The following MACROD2 variants were observed in gnomAD, a reference collection of about 807,000 sequenced individuals.
MACROD2 encodes ADP-ribose glycohydrolase MACROD2.
In MACROD2, 36 loss-of-function variants were observed where a neutral mutation model predicts 70.4. The ratio of observed to expected loss-of-function variants is 0.51; its 90% CI spans 0.39 to 0.68. The LOEUF is 0.68. Among genes scored for constraint, MACROD2 ranks in the 30% least tolerant of loss-of-function variants. The probability of loss-of-function intolerance (pLI) is 0.00; values close to 1 mark genes in which losing one functional copy is unlikely to be tolerated. For synonymous variants in MACROD2, 172 were observed against 178.8 expected (o/e 0.96, Z 0.30); for missense variants, 496 against 538.4 (o/e 0.92, Z 0.78).
chr20:15,937,416 G>A, intron 11 of MACROD2, 60 bp from the exon 12 acceptor site: 1 of 1,531,366 alleles, frequency 6.5e-7, no homozygotes, highest in Admixed American at 1.7e-5. Flanking sequence ...GGGCAGGAAA[G>A]CCACAGCTGG....
intron 3 of MACROD2, among the ~76,000 whole-genome samples, chr20:14,299,864 A>G (rs1285061255): frequency 6.6e-6 from 1 of 152,174 alleles, no homozygotes; most frequent in Non-Finnish European, 1.5e-5. Flanking sequence ...ATATACAGAG[A>G]AAGACCAGTT....
chr20:15,466,455 T>A (rs898194503), intron 7 of MACROD2, among the ~76,000 whole-genome samples: 5 of 152,170 alleles, frequency 3.3e-5, no homozygotes, highest in African/African-American at 1.2e-4. Context: ...TCATTTAGGG[T>A]CTGACAAAGT....
At chr20:15,165,867 C>G (rs981854112) in intron 5 of MACROD2, among the ~76,000 whole-genome samples, 1 of 151,920 alleles carries the variant, frequency 6.6e-6, no homozygotes, top group South Asian at 2.1e-4. Flanking sequence ...ATAATATGCT[C>G]AAACTAGAAG....
At chr20:15,165,642 A>T (rs1237498469) in intron 5 of MACROD2, among the ~76,000 whole-genome samples, 1 of 152,236 alleles carries the variant, frequency 6.6e-6, no homozygotes, top group Non-Finnish European at 1.5e-5. Context: ...TATTATGCGC[A>T]GGCAATTTCT....
intron 6 of MACROD2, among the ~76,000 whole-genome samples, chr20:15,271,379 T>C (rs1210840890): frequency 6.6e-6 from 1 of 152,172 alleles, no homozygotes; most frequent in South Asian, 2.1e-4. Flanking sequence ...TACCTCCTAA[T>C]ACCATCAACT....
At chr20:14,293,592 T>G (rs1175480560) in intron 3 of MACROD2, among the ~76,000 whole-genome samples, 1 of 151,714 alleles carries the variant, frequency 6.6e-6, no homozygotes, top group East Asian at 1.9e-4. Flanking sequence ...TGGTAAGGTG[T>G]GAGTTCAGAG....
At chr20:14,180,241 G>C (rs986781938) in intron 3 of MACROD2, among the ~76,000 whole-genome samples, 3 of 152,082 alleles carry the variant, frequency 2.0e-5, no homozygotes, top group Non-Finnish European at 4.4e-5. Flanking sequence ...AGAGTTTGTT[G>C]CTTATTATAG....
chr20:15,401,451 C>CAAG (rs2045929754), intron 6 of MACROD2, among the ~76,000 whole-genome samples: 1 of 152,150 alleles, frequency 6.6e-6, no homozygotes, highest in African/African-American at 2.4e-5. Flanking sequence ...CCTCCAAGGA[C>CAAG]AAGGGCCCTT....
intron 3 of MACROD2, among the ~76,000 whole-genome samples, chr20:14,197,369 C>G (rs1569201966): frequency 6.6e-6 from 1 of 152,188 alleles, no homozygotes; most frequent in Non-Finnish European, 1.5e-5. Context: ...TATTTTTAGT[C>G]TTCCAAAAGG....
intron 5 of MACROD2, among the ~76,000 whole-genome samples, chr20:15,060,530 T>A (rs1372863683): frequency 1.3e-5 from 2 of 152,192 alleles, no homozygotes; most frequent in African/African-American, 4.8e-5. Flanking sequence ...CTGGGCACCC[T>A]TGGCTTCTCA....
Position 15,948,345 on chromosome 20 carries a change from G to A in MACROD2, c.907+10801G>A, listed in dbSNP as rs1601192538. Among the ~76,000 whole-genome samples, 3 of 127,482 alleles carry A rather than the reference G, an allele frequency of 2.4e-5. No homozygotes were observed. The South Asian group carries it at 8.2e-4, about 35-fold the overall frequency. The allele number at this position is 127,482 out of a possible 152,430, so 83.6% of individuals were successfully genotyped here. ...CGAGCCAGCAACAGCAACCCCCTTT[G>A]GGAGCTCTGTTTTCACTCTATTAAA... On this transcript the variant is annotated intron_variant, in intron 12 of 17. Transcript: ENST00000684519.
rs1182414451 is a variant in MACROD2 at position 14,780,288 on chromosome 20, C to T, written c.418+95329C>T. Among the ~76,000 whole-genome samples, 9 of 152,022 alleles carry T rather than the reference C, an allele frequency of 5.9e-5. No individual in the cohort carries two copies. The South Asian group carries it at 1.4e-3, about 24-fold the overall frequency. ...TCTTAAAAGTGAAAACACGACTGGGCGCAGTGGCTCACACCTGTAATCCCA... is the reference window on the plus strand; with the variant it reads ...TCTTAAAAGTGAAAACACGACTGGGTGCAGTGGCTCACACCTGTAATCCCA... On this transcript the variant is annotated intron_variant, in intron 5 of 17. Transcript: ENST00000684519.
At chr20:15,055,545 A>G (rs939035526) in intron 5 of MACROD2, among the ~76,000 whole-genome samples, 1 of 152,200 alleles carries the variant, frequency 6.6e-6, no homozygotes, top group Non-Finnish European at 1.5e-5. Context: ...ATGACAGTGA[A>G]GAATTATAGC....
At chr20:14,552,258 C>T (rs143921700) in intron 4 of MACROD2, among the ~76,000 whole-genome samples, 198 of 124,308 alleles carry the variant, frequency 1.6e-3, no homozygotes, top group African/African-American at 6.0e-3. Context: ...TGAGTTATCT[C>T]GTATGCTACC....
intron 5 of MACROD2, among the ~76,000 whole-genome samples, chr20:14,819,987 G>A (rs1172487997): frequency 6.6e-6 from 1 of 151,220 alleles, no homozygotes; most frequent in Non-Finnish European, 1.5e-5. Context: ...GATTGAAGAG[G>A]AATATACCAA....
intron 8 of MACROD2, among the ~76,000 whole-genome samples, chr20:15,510,822 C>T (rs144220567): frequency 1.3e-5 from 2 of 152,192 alleles, no homozygotes; most frequent in Non-Finnish European, 2.9e-5. Flanking sequence ...GGCTGGCTAA[C>T]GTGCTGTCCT....
chr20:14,912,204 C>A (rs540314311), intron 5 of MACROD2, among the ~76,000 whole-genome samples: 1 of 152,126 alleles, frequency 6.6e-6, no homozygotes, highest in African/African-American at 2.4e-5. Flanking sequence ...AGCTTTCTGC[C>A]GTTATCTCTA....
chr20:14,522,193 A>G (rs1053036603), intron 4 of MACROD2, among the ~76,000 whole-genome samples: 23 of 152,198 alleles, frequency 1.5e-4, no homozygotes, highest in African/African-American at 4.6e-4. Flanking sequence ...TTGGGTTAAA[A>G]AAGCTATTCT....
chr20:14,709,220 A>G (rs902650850), intron 5 of MACROD2, among the ~76,000 whole-genome samples: 1 of 143,202 alleles, frequency 7.0e-6, no homozygotes, highest in African/African-American at 2.6e-5. Context: ...TAACACTAAA[A>G]TACTTACTTT....
Sources: gnomAD v4.1 joint callset for allele counts (sites outside exome capture counted in the v4.1 genomes callset) on GRCh38, gnomAD v4.1.1 for gene constraint, MANE v1.5 for transcripts, NCBI Gene and HGNC (gene_info 2026-07-23, HGNC 2026-07-21) for gene names.